SH3BP1: variants seen among roughly 807,000 people sequenced by gnomAD.
SH3BP1 encodes SH3 domain binding protein 1, also known as SH3 domain-binding protein 1.
A neutral mutation model predicts 69.8 loss-of-function variants in SH3BP1; 46 were observed. The ratio of observed to expected loss-of-function variants is 0.66; its 90% CI spans 0.52 to 0.84. The LOEUF (loss-of-function observed/expected upper bound fraction) is 0.84, where lower values mean the gene tolerates loss of function less well. Among genes scored for constraint, SH3BP1 ranks in the 40% least tolerant of loss-of-function variants. The pLI, the probability that SH3BP1 is intolerant of heterozygous loss-of-function variation, is 0.00. For missense variants in SH3BP1, 868 were observed against 930.9 expected, an observed-to-expected ratio of 0.93 and a Z score of 0.88; for synonymous variants, 403 against 378.0, an observed-to-expected ratio of 1.07 and a Z score of -0.77.
rs749810484 is a variant in SH3BP1, at chr22:37,647,428, C to T, written c.1119-13C>T. The T allele has an allele frequency of 6.2e-7, 1 of 1,612,110 alleles. No homozygotes were observed. The highest frequency in any genetic ancestry group is 1.1e-5 in the South Asian group (1 of 91,002). On this transcript the variant is annotated splice_polypyrimidine_tract_variant and intron_variant, in intron 12 of 17. Transcript: ENST00000649765. ...CCCTGCGCTGGCTGACAGGTCTCTCCACTCCCCCCCAGCCTGAAGGAGCCA... is the reference window on the plus strand; with the variant it reads ...CCCTGCGCTGGCTGACAGGTCTCTCTACTCCCCCCCAGCCTGAAGGAGCCA...
In SH3BP1 at chr22:37,655,384, C is replaced by A; in HGVS notation, c.1806C>A (p.Pro602=). ...LPPGSGSPGT[P]QALPRRLVGS... ...CTGGCTCTGGCAGCCCTGGGACCCC[C>A]CAAGCCCTGCCCCGACGTCTGGTTG... The change falls in exon 18 of 18, where the codon CCC becomes CCA. Residue 602 remains proline (P), a synonymous_variant. Coordinates refer to ENST00000649765, the MANE Select transcript of SH3BP1 (RefSeq NM_018957.6). 1 of 1,468,776 alleles carries A rather than the reference C, an allele frequency of 6.8e-7. No individual in the cohort carries two copies. The highest frequency in any genetic ancestry group is 1.2e-5 in the South Asian group (1 of 80,748). The allele number at this position is 1,468,776 out of a possible 1,614,324, so 91.0% of individuals were successfully genotyped here. A position where few individuals can be genotyped will look rare whatever the true frequency, so the allele number is the denominator to read the frequency against.
chr22:37,644,030 C>T lies in SH3BP1; in HGVS notation c.618+242C>T, dbSNP rs1932717578. The stretch of plus-strand genomic sequence containing the variant: ...TCCATGTGTTTGTTTGCTGAGCGAG[C>T]GAGTGAATGAATAAATGAAGAGTGA... On this transcript the variant is annotated intron_variant, in intron 7 of 17. Transcript: ENST00000649765. 1.3e-5 allele frequency among the ~76,000 whole-genome samples: 2 copies of T among 152,134 alleles called. 1 individual carries two copies. Among genetic ancestry groups the T allele is most frequent in the South Asian group, 4.1e-4 (2 of 4,824 alleles).
intron 17 of SH3BP1, among the ~76,000 whole-genome samples, chr22:37,654,370 A>G (rs1469956269): frequency 6.6e-6 from 1 of 152,142 alleles, no homozygotes; most frequent in African/African-American, 2.4e-5. Flanking sequence ...CAGGAGTTCA[A>G]GACCAGCCTG....
rs1328589415 is a variant in SH3BP1 at position 37,655,384 on chromosome 22, C to G, written c.1806C>G (p.Pro602=). 1.5e-5 allele frequency: 22 copies of G among 1,468,676 alleles called. No individual in the cohort carries two copies. The highest frequency in any genetic ancestry group is 1.8e-5 in the Non-Finnish European group (20 of 1,096,562). The allele number at this position is 1,468,676 out of a possible 1,614,324, so 91.0% of individuals were successfully genotyped here. A position where few individuals can be genotyped will look rare whatever the true frequency, so the allele number is the denominator to read the frequency against. ...LPPGSGSPGT[P]QALPRRLVGS... is the part of the protein sequence containing the mutation. Reference sequence around the variant, plus strand: ...CTGGCTCTGGCAGCCCTGGGACCCCCCAAGCCCTGCCCCGACGTCTGGTTG... The same window carrying G: ...CTGGCTCTGGCAGCCCTGGGACCCCGCAAGCCCTGCCCCGACGTCTGGTTG... Residue 602 remains proline, a synonymous_variant, in exon 18 of 18, where the codon CCC becomes CCG. Coordinates refer to ENST00000649765, the MANE Select transcript of SH3BP1 (RefSeq NM_018957.6).
chr22:37,640,162 C>G (rs1030842930), intron 1 of SH3BP1, among the ~76,000 whole-genome samples: 1 of 152,134 alleles, frequency 6.6e-6, no homozygotes, highest in Non-Finnish European at 1.5e-5. Flanking sequence ...GTGGATGGTC[C>G]TCCTGACCTC....
chr22:37,652,223 T>C (rs1195163610), intron 16 of SH3BP1, among the ~76,000 whole-genome samples: 1 of 148,946 alleles, frequency 6.7e-6, no homozygotes, highest in Non-Finnish European at 1.5e-5. Flanking sequence ...GGCAGGAGAA[T>C]GGTGTGAACC....
rs554200304 is a variant in SH3BP1 at position 37,650,378 on chromosome 22, G to A, written c.1414+129G>A. ...AGCCTCAGTTTCTCATTTTTACAAC[G>A]GGGATGGTCTGCCTGCTTTGTGGGG... On this transcript the variant is annotated intron_variant, in intron 15 of 17. Coordinates refer to ENST00000649765, the MANE Select transcript of SH3BP1 (RefSeq NM_018957.6). 363 of 1,491,904 alleles carry A rather than the reference G, an allele frequency of 2.4e-4. 1 individual carries two copies. Among genetic ancestry groups the A allele is most frequent in the Non-Finnish European group, 2.9e-4 (321 of 1,116,216 alleles). 92.4% of individuals were successfully genotyped at this position (1,491,904 alleles called of 1,614,324 possible).
In SH3BP1 at chr22:37,644,617, C is replaced by G. The variant is rs758316628; in HGVS notation, c.619-20C>G. 6.2e-7 allele frequency: 1 copy of G among 1,613,804 alleles called. No individual in the cohort carries two copies. Among genetic ancestry groups the G allele is most frequent in the Non-Finnish European group, 8.5e-7 (1 of 1,179,660 alleles). The stretch of plus-strand genomic sequence containing the variant: ...CCCACAGCCTCACCCAACGTAAGCT[C>G]TCCCCTCTCTGTCCCCAAGGACGAG... On this transcript the variant is annotated intron_variant, in intron 7 of 17. Coordinates refer to ENST00000649765, the MANE Select transcript of SH3BP1 (RefSeq NM_018957.6).
At chr22:37,647,798 C>T (rs1932810576) in intron 13 of SH3BP1, among the ~76,000 whole-genome samples, 1 of 152,024 alleles carries the variant, frequency 6.6e-6, no homozygotes. Context: ...GCCTCAGCCT[C>T]CCGAGTAGCT....
chr22:37,645,275 T>G (rs1601583644), intron 9 of SH3BP1, 90 bp from the exon 10 acceptor site: 9 of 1,469,102 alleles, frequency 6.1e-6, no homozygotes, highest in Non-Finnish European at 9.2e-7. Context: ...TGGCAGGTGG[T>G]ACCACCTTGA....
At position 37,644,872 on chromosome 22, in the gene SH3BP1, C is replaced by G. The variant is rs751423592; in HGVS notation, c.690C>G (p.Leu230=). Residue 230 remains leucine (L), a splice_region_variant and synonymous_variant, in exon 9 of 18, where the codon CTC becomes CTG. Coordinates refer to ENST00000649765, the MANE Select transcript of SH3BP1 (RefSeq NM_018957.6). ...AGGGTGTCCCTTCATCCCCACAGCT[C>G]CTGGAGATTCAGGCCGATTACCATC... ...EDSYANYFIR[L]LEIQADYHRR... 1.7e-5 allele frequency: 28 copies of G among 1,613,916 alleles called. No homozygotes were observed. Among genetic ancestry groups the G allele is most frequent in the Non-Finnish European group, 2.4e-5 (28 of 1,180,016 alleles).
chr22:37,647,348 G>A lies in SH3BP1; in HGVS notation c.1118G>A (p.Ser373Asn). ...DLYDDWMRAASLKEPGARLQA... is the reference protein window; with the variant it reads ...DLYDDWMRAANLKEPGARLQA... The stretch of plus-strand genomic sequence containing the variant: ...TATGATGACTGGATGAGGGCAGCCA[G>A]GTGAGGATGTTGGAGGAGGGAGGGG... Residue 373 changes from serine (S) to asparagine (N), a missense_variant and splice_region_variant, in exon 12 of 18, where the codon AGC becomes AAC. Around this residue, in one of 3 missense-constraint regions of SH3BP1, gnomAD observed 474 missense variants for 462.3 expected, o/e 1.03. Coordinates refer to ENST00000649765, the MANE Select transcript of SH3BP1 (RefSeq NM_018957.6). 1 of 1,614,074 alleles carries A rather than the reference G, an allele frequency of 6.2e-7. No homozygotes were observed. The highest frequency in any genetic ancestry group is 8.5e-7 in the Non-Finnish European group (1 of 1,179,966).
At position 37,655,820 on chromosome 22, in the gene SH3BP1, G is replaced by T. The variant is rs1029572642; in HGVS notation, c.*136G>T. 2.0e-6 allele frequency: 3 copies of T among 1,464,900 alleles called. No homozygotes were observed. The East Asian group carries it at 7.4e-5, about 36-fold the overall frequency. 90.7% of individuals were successfully genotyped at this position (1,464,900 alleles called of 1,614,324 possible). A position where few individuals can be genotyped will look rare whatever the true frequency, so the allele number is the denominator to read the frequency against. Reference sequence around the variant, plus strand: ...CAAGTGCCTCAGTGCCCACTGGGTCGGCCCCCATGGCCAGGAGGGCTCAGG... The same window carrying T: ...CAAGTGCCTCAGTGCCCACTGGGTCTGCCCCCATGGCCAGGAGGGCTCAGG... On this transcript the variant is annotated 3_prime_UTR_variant, in exon 18 of 18. Transcript: ENST00000649765.
chr22:37,651,215 G>A (rs1380177407), intron 16 of SH3BP1, among the ~76,000 whole-genome samples: 1 of 152,082 alleles, frequency 6.6e-6, no homozygotes, highest in Non-Finnish European at 1.5e-5. Context: ...TGTATTTTAA[G>A]TAGAGATGGG....
chr22:37,650,836 T>A (rs1430102293), intron 16 of SH3BP1, 111 bp downstream of exon 16: 2 of 1,366,876 alleles, frequency 1.5e-6, no homozygotes, highest in African/African-American at 3.0e-5. Context: ...ATTATTAGTG[T>A]TTTCATCCCA....
At position 37,653,808 on chromosome 22, in the gene SH3BP1, C is replaced by T. The variant is rs1435640584; in HGVS notation, c.1628C>T (p.Ala543Val). Residue 543 changes from alanine (A) to valine (V), a missense_variant, in exon 17 of 18, where the codon GCC becomes GTC. Physicochemically the swap from Ala to Val is moderately conservative, Grantham distance 64 (BLOSUM62 0). Coordinates refer to ENST00000649765, the MANE Select transcript of SH3BP1 (RefSeq NM_018957.6). ...RTESEVPPRP[A>V]SPKVTRSPPE... Reference sequence around the variant, plus strand: ...GAGTCTGAGGTGCCTCCCAGACCAGCCTCCCCCAAGGTCACCAGGAGTCCC... The same window carrying T: ...GAGTCTGAGGTGCCTCCCAGACCAGTCTCCCCCAAGGTCACCAGGAGTCCC... 1.2e-6 allele frequency: 2 copies of T among 1,613,832 alleles called. No homozygotes were observed. The highest frequency in any genetic ancestry group is 2.2e-5 in the South Asian group (2 of 91,036).
In SH3BP1 at chr22:37,648,448, G is replaced by A. The variant is rs368456377; in HGVS notation, c.1316+13G>A. ...CTGAGAAAGAAGGGTGAGGGGCCGCGGGCTGGGGGAGGTGGCAGGAGGAAG... is the reference window on the plus strand; with the variant it reads ...CTGAGAAAGAAGGGTGAGGGGCCGCAGGCTGGGGGAGGTGGCAGGAGGAAG... On this transcript the variant is annotated intron_variant, in intron 14 of 17. Coordinates refer to ENST00000649765, the MANE Select transcript of SH3BP1 (RefSeq NM_018957.6). 4.1e-5 allele frequency: 62 copies of A among 1,521,022 alleles called. No individual in the cohort carries two copies. Among genetic ancestry groups the A allele is most frequent in the Non-Finnish European group, 5.2e-5 (58 of 1,114,964 alleles). 94.2% of individuals were successfully genotyped at this position (1,521,022 alleles called of 1,614,324 possible).
Position 37,644,976 on chromosome 22 carries a change from C to A in SH3BP1, c.778+16C>A. ...GGCCAAGCAGGTGGGGACATAGGCC[C>A]GGCGATACCACACCCCTGACCCTGC... On this transcript the variant is annotated intron_variant, in intron 9 of 17. Coordinates refer to ENST00000649765, the MANE Select transcript of SH3BP1 (RefSeq NM_018957.6). The A allele has an allele frequency of 6.2e-7, 1 of 1,609,370 alleles. No homozygotes were observed. Among genetic ancestry groups the A allele is most frequent in the South Asian group, 1.1e-5 (1 of 90,824 alleles).
intron 7 of SH3BP1, 95 bp from the exon 8 acceptor site, chr22:37,644,541 TG>T: frequency 8.5e-7 from 1 of 1,180,588 alleles, no homozygotes; most frequent in Non-Finnish European, 1.3e-6. Context: ...TGCAGTTGTG[TG>T]GCCTGGGGGA....
Sources: gnomAD v4.1 joint callset for allele counts (sites outside exome capture counted in the v4.1 genomes callset) on GRCh38, gnomAD v4.1.1 for gene constraint, gnomAD v4.1.1 regional missense constraint, MANE v1.5 for transcripts, NCBI Gene and HGNC (gene_info 2026-07-23, HGNC 2026-07-21) for gene names.